Variants in DNAH11 observed in about 807,000 individuals in gnomAD.
DNAH11 encodes axonemal beta dynein heavy chain 11.
A neutral mutation model predicts 526.0 loss-of-function variants in DNAH11; 442 were observed. The observed-to-expected ratio is 0.84, with a 90% CI of 0.78 to 0.91. The LOEUF is 0.91. DNAH11 is among the 40% of genes least tolerant of loss of function. DNAH11 has a pLI of 0.00. For missense variants in DNAH11, 6,989 were observed against 5,448.7 expected, an observed-to-expected ratio of 1.28 and a Z score of -8.90; for synonymous variants, 2,461 against 1,935.9, an observed-to-expected ratio of 1.27 and a Z score of -7.12.
intron 57 of DNAH11, among the ~76,000 whole-genome samples, chr7:21,779,382 T>G (rs2285684): frequency 6.6e-6 from 1 of 151,980 alleles, no homozygotes; most frequent in Non-Finnish European, 1.5e-5. Context: ...ACATCAGGCC[T>G]ATTTGTAATA....
At chr7:21,768,509 C>A (rs766841405) in intron 55 of DNAH11, among the ~76,000 whole-genome samples, 2 of 152,120 alleles carry the variant, frequency 1.3e-5, no homozygotes, top group Non-Finnish European at 2.9e-5. Flanking sequence ...TAGAGTAGAT[C>A]TGAGCAAGGT....
chr7:21,681,681 AGT>A lies in DNAH11; in HGVS notation c.5460+5_5460+6del. The stretch of plus-strand genomic sequence containing the variant: ...GGCAAAACTTATTTCTCAGAAGGCA[AGT>A]TGTTTGTAGAAATTTTATGTATTCA... On this transcript the variant is annotated splice_donor_5th_base_variant and intron_variant, in intron 31 of 81. Transcript: ENST00000409508. 1 of 1,613,770 alleles carries A rather than the reference AGT, an allele frequency of 6.2e-7. No homozygotes were observed. The highest frequency in any genetic ancestry group is 8.5e-7 in the Non-Finnish European group (1 of 1,179,742).
chr7:21,899,836 C>T, intron 80 of DNAH11, 144 bp from the exon 81 acceptor site: 2 of 983,132 alleles, frequency 2.0e-6, no homozygotes, highest in Admixed American at 2.9e-5. Context: ...GTTGGCCAAC[C>T]CCCTGCTCCA....
chr7:21,588,365 A>C (rs998535404), intron 10 of DNAH11, 147 bp from the exon 11 acceptor site: 1 of 1,312,456 alleles, frequency 7.6e-7, no homozygotes, highest in Non-Finnish European at 1.0e-6. Flanking sequence ...TTGCTTTAGG[A>C]CTGTAACTCT....
At chr7:21,674,301 C>G (rs1320755292) in intron 30 of DNAH11, among the ~76,000 whole-genome samples, 1 of 151,992 alleles carries the variant, frequency 6.6e-6, no homozygotes, top group African/African-American at 2.4e-5. Context: ...GGTGATCCAC[C>G]CACCCTGGCC....
At chr7:21,567,028 C>CT (rs1252684023) in intron 6 of DNAH11, among the ~76,000 whole-genome samples, 1 of 152,156 alleles carries the variant, frequency 6.6e-6, no homozygotes, top group Non-Finnish European at 1.5e-5. Flanking sequence ...GATTGGCTTA[C>CT]TATAAATTCC....
intron 25 of DNAH11, among the ~76,000 whole-genome samples, chr7:21,630,351 C>T (rs528917617): frequency 6.6e-6 from 1 of 152,162 alleles, no homozygotes; most frequent in Admixed American, 6.5e-5. Context: ...GTAGATTGCA[C>T]ACCATAGTTA....
At chr7:21,722,234 C>G (rs1311183508) in intron 44 of DNAH11, among the ~76,000 whole-genome samples, 2 of 152,138 alleles carry the variant, frequency 1.3e-5, no homozygotes, top group Non-Finnish European at 2.9e-5. Flanking sequence ...GTAACTTGCC[C>G]AAAGTCACGC....
At chr7:21,678,495 C>T (rs1401785568) in intron 30 of DNAH11, among the ~76,000 whole-genome samples, 1 of 151,776 alleles carries the variant, frequency 6.6e-6, no homozygotes, top group Admixed American at 6.6e-5. Context: ...GTGATGCCTC[C>T]AGCTTTGTTT....
intron 28 of DNAH11, among the ~76,000 whole-genome samples, chr7:21,644,755 G>T (rs1341080028): frequency 6.6e-6 from 1 of 152,176 alleles, no homozygotes; most frequent in Non-Finnish European, 1.5e-5. Context: ...GAGCAACTCT[G>T]CTTGGCATGA....
At chr7:21,681,362 G>C (rs1783128393) in intron 30 of DNAH11, among the ~76,000 whole-genome samples, 184 bp from the exon 31 acceptor site, 1 of 152,068 alleles carries the variant, frequency 6.6e-6, no homozygotes, top group South Asian at 2.1e-4. Context: ...AGGACGCAGA[G>C]GTTGCAGTGA....
chr7:21,760,098 T>G (rs907833142), intron 54 of DNAH11, among the ~76,000 whole-genome samples: 11 of 152,072 alleles, frequency 7.2e-5, no homozygotes, highest in Admixed American at 4.6e-4. Context: ...TTTGCTCACT[T>G]GCAATTGTCA....
At chr7:21,773,201 C>T (rs1182577383) in intron 55 of DNAH11, among the ~76,000 whole-genome samples, 1 of 152,076 alleles carries the variant, frequency 6.6e-6, no homozygotes, top group Non-Finnish European at 1.5e-5. Context: ...AGGAGAGTTG[C>T]TCTTTTTGTG....
Position 21,720,761 on chromosome 7 carries a change from G to A in DNAH11, c.7171G>A (p.Glu2391Lys). The change falls in exon 44 of 82, where the codon GAA (glutamate) becomes AAA (lysine). Residue 2391 changes from glutamate (E) to lysine (K), a missense_variant. Physicochemically the swap from Glu to Lys is moderately conservative, Grantham distance 56. Transcript: ENST00000409508. ...TCTTTTGGAGTGCTTGCTGACTCCT[G>A]AAAATGTACCTTCTGACAGCCCAAA... Reference protein sequence around the residue: ...CVLLECLLTPENVPSDSPKEV... With the variant: ...CVLLECLLTPKNVPSDSPKEV... 6.3e-7 allele frequency: 1 copy of A among 1,594,442 alleles called. No homozygotes were observed. The highest frequency in any genetic ancestry group is 1.1e-5 in the South Asian group (1 of 88,034).
intron 44 of DNAH11, among the ~76,000 whole-genome samples, chr7:21,723,226 G>A (rs1421978470): frequency 6.6e-6 from 1 of 152,088 alleles, no homozygotes; most frequent in Admixed American, 6.6e-5. Flanking sequence ...CTTTTCATAG[G>A]GCACCTCATT....
chr7:21,900,680 G>A (rs1784759369), intron 81 of DNAH11, among the ~76,000 whole-genome samples: 2 of 152,202 alleles, frequency 1.3e-5, no homozygotes, highest in Admixed American at 6.5e-5. Context: ...GTGCGACGGG[G>A]AGGAAATGTG....
At chr7:21,858,047 GGA>G (rs1302935795) in intron 68 of DNAH11, among the ~76,000 whole-genome samples, 1 of 152,048 alleles carries the variant, frequency 6.6e-6, no homozygotes, top group Non-Finnish European at 1.5e-5. Context: ...ATTTGTATCA[GGA>G]TATAAAAAGA....
chr7:21,744,988 C>G lies in DNAH11; in HGVS notation c.8435C>G (p.Thr2812Arg). Residue 2812 changes from threonine to arginine, a missense_variant, in exon 51 of 82, where the codon ACA becomes AGA. Thr to Arg is a moderately conservative substitution (Grantham distance 71). Transcript: ENST00000409508. ...TGGGAAGTGCTGAAGACGATTCTTA[C>G]AGAAACGTTAGACAACTACAATGAA... ...KDWEVLKTIL[T>R]ETLDNYNELN... 3 of 1,610,264 alleles carry G rather than the reference C, an allele frequency of 1.9e-6. 1 individual carries two copies. The highest frequency in any genetic ancestry group is 2.2e-5 in the South Asian group (2 of 90,052).
chr7:21,884,191 G>C, intron 75 of DNAH11, 100 bp from the exon 76 acceptor site: 1 of 1,057,422 alleles, frequency 9.5e-7, no homozygotes, highest in Non-Finnish European at 1.3e-6. Flanking sequence ...ATTGACGGAG[G>C]CTTGGAGGGC....
Sources: gnomAD v4.1 joint callset for allele counts (sites outside exome capture counted in the v4.1 genomes callset) on GRCh38, gnomAD v4.1.1 for gene constraint, MANE v1.5 for transcripts, NCBI Gene and HGNC (gene_info 2026-07-23, HGNC 2026-07-21) for gene names.